Variants in ARPC5L observed in about 807,000 individuals in gnomAD.
ARPC5L encodes actin related protein 2/3 complex subunit 5 like.
Under a neutral mutation model 16.9 loss-of-function variants are expected in ARPC5L, and 4 were observed. The ratio of observed to expected loss-of-function variants is 0.24; its 90% CI spans 0.12 to 0.54. ARPC5L has a LOEUF of 0.54. ARPC5L is among the 20% of genes least tolerant of loss of function. The probability of loss-of-function intolerance (pLI) is 0.95; values close to 1 mark genes in which losing one functional copy is unlikely to be tolerated. For synonymous variants in ARPC5L, 78 were observed against 82.6 expected (o/e 0.94, Z 0.30); for missense variants, 151 against 201.9 (o/e 0.75, Z 1.53).
At chr9:124,875,668 G>T (rs746400092) in intron 5 of ARPC5L, among the ~76,000 whole-genome samples, 2 of 151,664 alleles carry the variant, frequency 1.3e-5, no homozygotes, top group Non-Finnish European at 2.9e-5. Context: ...AGAAAGAGCT[G>T]TGTCTGCCCT....
At chr9:124,867,107 C>T (rs1032958595) in intron 2 of ARPC5L, among the ~76,000 whole-genome samples, 1 of 151,820 alleles carries the variant, frequency 6.6e-6, no homozygotes, top group Non-Finnish European at 1.5e-5. Flanking sequence ...CATTTCCTTC[C>T]AGTCTCTGTC....
chr9:124,870,689 G>A (rs1322602251), intron 3 of ARPC5L, among the ~76,000 whole-genome samples: 2 of 152,230 alleles, frequency 1.3e-5, no homozygotes, highest in African/African-American at 4.8e-5. Context: ...AGGAGGGAAG[G>A]TTGGTTGTAG....
At chr9:124,867,898 C>T (rs549713113) in intron 2 of ARPC5L, among the ~76,000 whole-genome samples, 72 of 150,244 alleles carry the variant, frequency 4.8e-4, no homozygotes, top group African/African-American at 1.7e-3. Context: ...CAACCTCTAC[C>T]TACCGGTTTC....
At chr9:124,867,341 A>G (rs1489475081) in intron 2 of ARPC5L, among the ~76,000 whole-genome samples, 2 of 151,950 alleles carry the variant, frequency 1.3e-5, no homozygotes, top group African/African-American at 4.8e-5. Context: ...GGTTTTCACC[A>G]TGTTGGCCAG....
intron 3 of ARPC5L, among the ~76,000 whole-genome samples, chr9:124,871,502 C>T (rs1056404130): frequency 6.6e-6 from 1 of 152,118 alleles, no homozygotes; most frequent in African/African-American, 2.4e-5. Flanking sequence ...GTGTGAGGGC[C>T]GTGTAGACAG....
intron 2 of ARPC5L, 41 bp downstream of exon 2, chr9:124,864,148 AAG>A (rs1175817797): frequency 5.3e-5 from 8 of 152,124 alleles, no homozygotes; most frequent in African/African-American, 1.9e-4. Flanking sequence ...ATGGGGAAAA[AAG>A]AGAGTAGAGA....
chr9:124,874,934 C>T (rs1220584582), intron 4 of ARPC5L, 41 bp from the exon 5 acceptor site: 2 of 1,611,572 alleles, frequency 1.2e-6, no homozygotes, highest in African/African-American at 2.7e-5. Flanking sequence ...ATGGCGGTGC[C>T]TTCGCAGCTC....
chr9:124,869,514 C>A, intron 3 of ARPC5L, 75 bp downstream of exon 3: 5 of 1,396,634 alleles, frequency 3.6e-6, no homozygotes, highest in Non-Finnish European at 4.6e-6. Context: ...TTCTCGGGCC[C>A]TTTCGGGCGG....
intron 2 of ARPC5L, among the ~76,000 whole-genome samples, chr9:124,866,806 A>G (rs1017807624): frequency 6.6e-6 from 1 of 152,122 alleles, no homozygotes; most frequent in Non-Finnish European, 1.5e-5. Context: ...TGTCCCCTGG[A>G]TGGTTGCTGT....
At chr9:124,864,377 C>A (rs987455439) in intron 2 of ARPC5L, among the ~76,000 whole-genome samples, 3 of 151,256 alleles carry the variant, frequency 2.0e-5, no homozygotes, top group Non-Finnish European at 4.4e-5. Flanking sequence ...TGTTTTTTTC[C>A]AAAATGGAGT....
chr9:124,872,844 T>C (rs1829379690), intron 3 of ARPC5L: 1 of 152,228 alleles, frequency 6.6e-6, no homozygotes, highest in African/African-American at 2.4e-5. Flanking sequence ...TCAGCTCTGC[T>C]CCGAAGGCCC....
chr9:124,871,960 G>C (rs914362464), intron 3 of ARPC5L, among the ~76,000 whole-genome samples: 1 of 152,020 alleles, frequency 6.6e-6, no homozygotes, highest in African/African-American at 2.4e-5. Flanking sequence ...CAGCACCACA[G>C]CCTGTTCTCT....
intron 3 of ARPC5L, among the ~76,000 whole-genome samples, chr9:124,869,885 G>A (rs1829331251): frequency 6.6e-6 from 1 of 152,256 alleles, no homozygotes. Context: ...GGGGAGGCTG[G>A]GGCGCGGTCC....
chr9:124,873,064 C>T (rs1315886726), intron 3 of ARPC5L: 2 of 152,260 alleles, frequency 1.3e-5, no homozygotes, highest in Non-Finnish European at 2.9e-5. Context: ...GCTGGGTATT[C>T]AGAACTCAGC....
chr9:124,875,748 C>G (rs1170811913), intron 5 of ARPC5L, among the ~76,000 whole-genome samples: 1 of 152,200 alleles, frequency 6.6e-6, no homozygotes, highest in African/African-American at 2.4e-5. Context: ...GGGGCTGCCT[C>G]CCACACCCTC....
intron 5 of ARPC5L, 106 bp downstream of exon 5, chr9:124,875,257 G>A: frequency 1.5e-6 from 2 of 1,323,750 alleles, no homozygotes; most frequent in Non-Finnish European, 1.0e-6. Context: ...TGATAGGCGT[G>A]TGGGGTCAGA....
intron 5 of ARPC5L, among the ~76,000 whole-genome samples, chr9:124,876,282 C>T (rs867542162): frequency 9.2e-5 from 14 of 152,128 alleles, no homozygotes; most frequent in Middle Eastern, 3.4e-3. Flanking sequence ...AGGTCAGGAG[C>T]TCAAGACCAG....
rs550684644 is a variant in ARPC5L at position 124,867,022 on chromosome 9, C to T, written c.-863-1406C>T. On this transcript the variant is annotated intron_variant, in intron 2 of 5. Coordinates refer to ENST00000353214, the MANE Select transcript of ARPC5L (RefSeq NM_030978.3). ...TCTCCTCCCAACCCCCACCTCATCT[C>T]TCTTCTGTTCCTGGCTGTTTCTCGA... is the stretch of plus-strand genomic sequence containing the variant. Among the ~76,000 whole-genome samples, 9 of 152,324 alleles carry T rather than the reference C, an allele frequency of 5.9e-5. No homozygotes were observed. In the South Asian group the frequency reaches 1.9e-3, roughly 32 times the overall value.
chr9:124,867,436 G>A (rs998184449), intron 2 of ARPC5L, among the ~76,000 whole-genome samples: 9 of 152,034 alleles, frequency 5.9e-5, no homozygotes, highest in Admixed American at 2.6e-4. Flanking sequence ...CACTGCGCCC[G>A]GCCAGGACAC....
Sources: gnomAD v4.1 joint callset for allele counts (sites outside exome capture counted in the v4.1 genomes callset) on GRCh38, gnomAD v4.1.1 for gene constraint, MANE v1.5 for transcripts, NCBI Gene and HGNC (gene_info 2026-07-23, HGNC 2026-07-21) for gene names.